The following KCNH1 variants were observed in gnomAD, a reference collection of about 807,000 sequenced individuals.
KCNH1 encodes voltage-gated delayed rectifier potassium channel KCNH1.
Under a neutral mutation model 69.2 loss-of-function variants are expected in KCNH1, and 27 were observed. The observed-to-expected ratio is 0.39, with a 90% CI of 0.29 to 0.54. The LOEUF is 0.54. KCNH1 is among the 20% of genes least tolerant of loss of function. KCNH1 has a pLI of 0.68. For synonymous variants in KCNH1, 456 were observed against 487.7 expected (o/e 0.93, Z 0.86); for missense variants, 798 against 1,261.6 (o/e 0.63, Z 5.57).
chr1:210,818,891 G>A (rs1258186901), intron 7 of KCNH1, among the ~76,000 whole-genome samples: 2 of 152,220 alleles, frequency 1.3e-5, no homozygotes, highest in Non-Finnish European at 2.9e-5. Flanking sequence ...AGCCAGCAGT[G>A]TGATGAGAAG....
chr1:211,080,865 T>G (rs1409982424), intron 5 of KCNH1, among the ~76,000 whole-genome samples: 2 of 152,134 alleles, frequency 1.3e-5, no homozygotes, highest in African/African-American at 4.8e-5. Flanking sequence ...ATAAAAACCC[T>G]AGAAGAAAAC....
chr1:210,880,307 A>T (rs1162583494), intron 7 of KCNH1, among the ~76,000 whole-genome samples: 1 of 152,164 alleles, frequency 6.6e-6, no homozygotes, highest in Non-Finnish European at 1.5e-5. Context: ...GAAGAACAAA[A>T]CTAGAGGAGT....
At chr1:211,130,699 C>A (rs1427343394) in intron 1 of KCNH1, among the ~76,000 whole-genome samples, 1 of 152,048 alleles carries the variant, frequency 6.6e-6, no homozygotes, top group Non-Finnish European at 1.5e-5. Context: ...ATTTTAGTTC[C>A]TTAAACTCTA....
At chr1:210,753,629 A>T (rs139795644) in intron 10 of KCNH1, among the ~76,000 whole-genome samples, 2 of 152,194 alleles carry the variant, frequency 1.3e-5, no homozygotes, top group African/African-American at 2.4e-5. Flanking sequence ...CTCATAGTAA[A>T]CTCACTGGGG....
chr1:210,733,007 A>T (rs1270997826), intron 10 of KCNH1, among the ~76,000 whole-genome samples: 1 of 152,196 alleles, frequency 6.6e-6, no homozygotes, highest in African/African-American at 2.4e-5. Flanking sequence ...CTCCGAGGTG[A>T]GTCTCTCAGA....
rs1359685045 is a variant in KCNH1 at position 210,741,678 on chromosome 1, C to T, written c.2112+33670G>A. The stretch of plus-strand genomic sequence containing the variant: ...GGCCCTCACTGAAAGCCCTGGCCCA[C>T]AGAATGTGCCTCCCAAACTGTGTGA... On this transcript the variant is annotated intron_variant, in intron 10 of 10. Coordinates refer to ENST00000271751, the MANE Select transcript of KCNH1 (RefSeq NM_172362.3). 1.4e-4 allele frequency among the ~76,000 whole-genome samples: 22 copies of T among 152,162 alleles called. 1 individual carries two copies. Among genetic ancestry groups the T allele is most frequent in the Non-Finnish European group, 4.4e-5 (3 of 68,040 alleles).
At chr1:210,892,140 C>T (rs74985242) in intron 7 of KCNH1, among the ~76,000 whole-genome samples, 1 of 151,606 alleles carries the variant, frequency 6.6e-6, no homozygotes, top group Non-Finnish European at 1.5e-5. Flanking sequence ...TACATCAAAC[C>T]ACAATGGCAC....
At chr1:211,046,084 A>G (rs1221768690) in intron 5 of KCNH1, among the ~76,000 whole-genome samples, 1 of 152,186 alleles carries the variant, frequency 6.6e-6, no homozygotes, top group African/African-American at 2.4e-5. Context: ...ACGTAATATA[A>G]CAAATATACA....
At chr1:210,706,693 C>T (rs1681921293) in intron 10 of KCNH1, among the ~76,000 whole-genome samples, 1 of 152,208 alleles carries the variant, frequency 6.6e-6, no homozygotes, top group South Asian at 2.1e-4. Flanking sequence ...AGTCTCAGAC[C>T]ATGCATTACT....
At chr1:210,691,959 G>A (rs1227134693) in intron 10 of KCNH1, among the ~76,000 whole-genome samples, 1 of 152,248 alleles carries the variant, frequency 6.6e-6, no homozygotes, top group African/African-American at 2.4e-5. Context: ...TCCAGCACTA[G>A]TTAGGAGGAG....
chr1:210,737,952 C>T (rs553625997), intron 10 of KCNH1, among the ~76,000 whole-genome samples: 2 of 152,188 alleles, frequency 1.3e-5, no homozygotes, highest in Non-Finnish European at 2.9e-5. Flanking sequence ...GAACATATCA[C>T]TCCCCTGCTC....
chr1:210,771,389 C>T (rs1274670977), intron 10 of KCNH1, among the ~76,000 whole-genome samples: 2 of 152,200 alleles, frequency 1.3e-5, no homozygotes, highest in African/African-American at 4.8e-5. Context: ...ATGCTGACCT[C>T]TTCACTGTCA....
At position 211,126,240 on chromosome 1, in the gene KCNH1, T is replaced by C. The variant is rs561818053; in HGVS notation, c.79+7627A>G. 7.9e-5 allele frequency among the ~76,000 whole-genome samples: 12 copies of C among 152,256 alleles called. No individual in the cohort carries two copies. In the South Asian group the frequency reaches 2.5e-3, roughly 32 times the overall value. ...AATTAGCTGTGTATGGGGCCGGTGG[T>C]AGCTCACGCCTGTAATCCCAGCACT... On this transcript the variant is annotated intron_variant, in intron 1 of 10. Coordinates refer to ENST00000271751, the MANE Select transcript of KCNH1 (RefSeq NM_172362.3).
intron 10 of KCNH1, among the ~76,000 whole-genome samples, chr1:210,767,075 G>A (rs1683650929): frequency 6.6e-6 from 1 of 152,128 alleles, no homozygotes; most frequent in East Asian, 1.9e-4. Flanking sequence ...AAGAGTAGAA[G>A]GAACAATAAA....
At chr1:211,105,599 T>G (rs1691335715) in intron 2 of KCNH1, among the ~76,000 whole-genome samples, 1 of 152,128 alleles carries the variant, frequency 6.6e-6, no homozygotes, top group African/African-American at 2.4e-5. Context: ...AATAAGTTGC[T>G]AAAAACTGTG....
intron 6 of KCNH1, among the ~76,000 whole-genome samples, chr1:210,934,793 G>A (rs1687746319): frequency 6.6e-6 from 1 of 151,908 alleles, no homozygotes; most frequent in Admixed American, 6.6e-5. Context: ...ACAATTGCTA[G>A]TGAGGATGAG....
chr1:210,949,904 T>C (rs1023093735), intron 6 of KCNH1, among the ~76,000 whole-genome samples: 1 of 152,150 alleles, frequency 6.6e-6, no homozygotes, highest in South Asian at 2.1e-4. Flanking sequence ...CAGCTAGGTA[T>C]AAGGAGGATA....
intron 1 of KCNH1, among the ~76,000 whole-genome samples, chr1:211,119,315 G>C (rs1460659999): frequency 6.6e-6 from 1 of 152,092 alleles, no homozygotes. Context: ...AGCCAAGATC[G>C]TGCCACCACA....
chr1:211,038,773 G>A (rs1378753335), intron 5 of KCNH1, among the ~76,000 whole-genome samples: 1 of 152,154 alleles, frequency 6.6e-6, no homozygotes, highest in Non-Finnish European at 1.5e-5. Context: ...GTATCTGGGG[G>A]AAGAAATTTC....
Sources: allele counts gnomAD v4.1 joint callset (sites outside exome capture counted in the v4.1 genomes callset), GRCh38; gene constraint gnomAD v4.1.1; transcripts MANE v1.5; gene names NCBI Gene and HGNC (gene_info 2026-07-23, HGNC 2026-07-21).